Variants in SLC7A11 observed in about 807,000 individuals in gnomAD.
SLC7A11 encodes the protein cystine/glutamate transporter.
Under a neutral mutation model 54.5 loss-of-function variants are expected in SLC7A11, and 35 were observed. The observed-to-expected ratio is 0.64, with a 90% CI of 0.49 to 0.85. The LOEUF (loss-of-function observed/expected upper bound fraction) is 0.85. Ranked by LOEUF, SLC7A11 falls within the 40% of genes least tolerant of loss-of-function variation. The pLI, the probability that SLC7A11 is intolerant of heterozygous loss-of-function variation, is 0.00. For synonymous variants in SLC7A11, 230 were observed against 225.2 expected (o/e 1.02, Z -0.19); for missense variants, 583 against 618.1 (o/e 0.94, Z 0.60).
intron 5 of SLC7A11, among the ~76,000 whole-genome samples, chr4:138,216,447 C>T (rs1040536631): frequency 6.6e-6 from 1 of 152,074 alleles, no homozygotes; most frequent in African/African-American, 2.4e-5. Flanking sequence ...GGACTGAGTT[C>T]CCCAGGGCCA....
At chr4:138,209,982 GACC>G (rs1737508899) in intron 6 of SLC7A11, among the ~76,000 whole-genome samples, 1 of 151,930 alleles carries the variant, frequency 6.6e-6, no homozygotes, top group Admixed American at 6.6e-5. Context: ...CACATTACTT[GACC>G]TCAAACCATA....
chr4:138,201,678 C>T (rs1737289634), intron 6 of SLC7A11, among the ~76,000 whole-genome samples: 1 of 152,056 alleles, frequency 6.6e-6, no homozygotes. Flanking sequence ...ACAGCTTCCC[C>T]ATGTCCACAA....
In SLC7A11 at chr4:138,171,794, C is replaced by G; in HGVS notation, c.*162G>C. 1.2e-6 allele frequency: 1 copy of G among 868,786 alleles called. No individual in the cohort carries two copies. The highest frequency in any genetic ancestry group is 2.8e-4 in the Middle Eastern group (1 of 3,622). The allele number at this position is 868,786 out of a possible 1,614,324, so 53.8% of individuals were successfully genotyped here. On this transcript the variant is annotated 3_prime_UTR_variant, in exon 12 of 12. Coordinates refer to ENST00000280612, the MANE Select transcript of SLC7A11 (RefSeq NM_014331.4). The stretch of plus-strand genomic sequence containing the variant: ...ACTACATAGAGTTATAACTAAATTT[C>G]TTAGAAATTAGTTCGAATATGCTAA...
chr4:138,236,841 T>G (rs1738218923), intron 1 of SLC7A11, among the ~76,000 whole-genome samples: 1 of 152,146 alleles, frequency 6.6e-6, no homozygotes. Flanking sequence ...AAGGCATTAG[T>G]CCAAATGTTT....
intron 6 of SLC7A11, among the ~76,000 whole-genome samples, chr4:138,211,960 T>C (rs1306084742): frequency 6.6e-6 from 1 of 152,018 alleles, no homozygotes; most frequent in East Asian, 1.9e-4. Flanking sequence ...TAGTGTTCAG[T>C]GGCATAGTAA....
intron 3 of SLC7A11, among the ~76,000 whole-genome samples, chr4:138,224,105 A>T (rs1737883200): frequency 6.6e-6 from 1 of 152,168 alleles, no homozygotes; most frequent in African/African-American, 2.4e-5. Flanking sequence ...AGGGTTATTC[A>T]TCGCTGTATC....
intron 7 of SLC7A11, 106 bp from the exon 8 acceptor site, chr4:138,183,411 AC>A (rs1339143087): frequency 4.2e-6 from 3 of 706,206 alleles, no homozygotes; most frequent in Non-Finnish European, 7.6e-6. Context: ...GCCTGGTGAT[AC>A]TTGTATGTTT....
rs1477996890 is a variant in SLC7A11, at chr4:138,164,412, C to CT, written c.*7543dup. 1.3e-5 allele frequency: 2 copies of CT among 152,142 alleles called. No individual in the cohort carries two copies. Among genetic ancestry groups the CT allele is most frequent in the Non-Finnish European group, 2.9e-5 (2 of 67,994 alleles). 9.4% of individuals were successfully genotyped at this position (152,142 alleles called of 1,614,324 possible). ...GCATTGTGATTGCAGTACCAGAACT[C>CT]TCCCCAGAGGGAACTCATTTAGCTA... On this transcript the variant is annotated 3_prime_UTR_variant, in exon 12 of 12. Transcript: ENST00000280612.
At chr4:138,227,687 T>C (rs1228819787) in intron 3 of SLC7A11, among the ~76,000 whole-genome samples, 1 of 152,194 alleles carries the variant, frequency 6.6e-6, no homozygotes, top group African/African-American at 2.4e-5. Flanking sequence ...TTACCATTAG[T>C]TCCCAGGCAA....
chr4:138,179,680 G>A (rs1736673252), intron 10 of SLC7A11, among the ~76,000 whole-genome samples: 1 of 152,092 alleles, frequency 6.6e-6, no homozygotes, highest in African/African-American at 2.4e-5. Context: ...GAGATGTTCT[G>A]TTGGAATTAT....
At position 138,184,561 on chromosome 4, in the gene SLC7A11, T is replaced by C. The variant is rs143733430; in HGVS notation, c.915+560A>G. Among the ~76,000 whole-genome samples the C allele has an allele frequency of 5.8e-3, 890 of 152,298 alleles. 5 individuals carry two copies. Among genetic ancestry groups the C allele is most frequent in the Middle Eastern group, 0.014 (4 of 294 alleles). On this transcript the variant is annotated intron_variant, in intron 7 of 11. Coordinates refer to ENST00000280612, the MANE Select transcript of SLC7A11 (RefSeq NM_014331.4). ...CTTAGGGAGTTCAAATGCATGTTGG[T>C]ATCTTTAATATTCTGAGAAGTATTA...
chr4:138,208,623 A>T (rs926630766), intron 6 of SLC7A11, among the ~76,000 whole-genome samples: 3 of 152,058 alleles, frequency 2.0e-5, no homozygotes, highest in Non-Finnish European at 4.4e-5. Context: ...TATTACTACT[A>T]TATATATGCC....
chr4:138,213,469 T>C (rs542233813), intron 6 of SLC7A11, among the ~76,000 whole-genome samples: 1 of 152,078 alleles, frequency 6.6e-6, no homozygotes, highest in African/African-American at 2.4e-5. Context: ...TTCATACTGA[T>C]GCACCTTTGT....
At chr4:138,232,141 G>T in intron 3 of SLC7A11, 126 bp downstream of exon 3, 1 of 706,778 alleles carries the variant, frequency 1.4e-6, no homozygotes, top group East Asian at 2.7e-5. Flanking sequence ...GTAGAAATTT[G>T]GAACTGTAAG....
chr4:138,186,891 G>A (rs1490927046), intron 6 of SLC7A11, among the ~76,000 whole-genome samples: 1 of 151,998 alleles, frequency 6.6e-6, no homozygotes, highest in African/African-American at 2.4e-5. Flanking sequence ...TCCCCATATG[G>A]GGAGTAAATT....
intron 6 of SLC7A11, among the ~76,000 whole-genome samples, chr4:138,209,558 AT>A (rs1030764517): frequency 1.3e-5 from 2 of 152,174 alleles, no homozygotes; most frequent in African/African-American, 4.8e-5. Context: ...ACAAAAACCA[AT>A]GTACAAAAAT....
chr4:138,180,041 T>C (rs1736697031), intron 10 of SLC7A11, among the ~76,000 whole-genome samples: 2 of 108,048 alleles, frequency 1.9e-5, no homozygotes, highest in South Asian at 6.1e-4. Context: ...CTGAAGAAGA[T>C]GACAAGCTTT....
rs182640477 is a variant in SLC7A11 at position 138,208,222 on chromosome 4, G to A, written c.791+6363C>T. ...TCTATTAAAGTTGATTATTCAGAGC[G>A]TGTTGATAGCCTGTTTTTCAAAAAT... On this transcript the variant is annotated intron_variant, in intron 6 of 11. Transcript: ENST00000280612. 2.0e-4 allele frequency among the ~76,000 whole-genome samples: 30 copies of A among 152,168 alleles called. No individual in the cohort carries two copies. In the East Asian group the frequency reaches 2.5e-3, roughly 13 times the overall value.
At chr4:138,179,633 A>G (rs1359704306) in intron 10 of SLC7A11, among the ~76,000 whole-genome samples, 1 of 152,184 alleles carries the variant, frequency 6.6e-6, no homozygotes, top group African/African-American at 2.4e-5. Flanking sequence ...ATCTTTGGCT[A>G]GAACAAACTC....
Sources: allele counts gnomAD v4.1 joint callset (sites outside exome capture counted in the v4.1 genomes callset), GRCh38; gene constraint gnomAD v4.1.1; transcripts MANE v1.5; gene names NCBI Gene and HGNC (gene_info 2026-07-23, HGNC 2026-07-21).